The following EBF2 variants were observed in gnomAD, a reference collection of about 807,000 sequenced individuals.
EBF2 encodes the protein transcription factor COE2.
A neutral mutation model predicts 72.8 loss-of-function variants in EBF2; 21 were observed. That is an observed-to-expected ratio of 0.29 (90% CI 0.20 to 0.42). The LOEUF (loss-of-function observed/expected upper bound fraction) is 0.42, where lower values mean the gene tolerates loss of function less well. Among genes scored for constraint, EBF2 ranks in the 10% least tolerant of loss-of-function variants. EBF2 has a pLI of 1.00. For synonymous variants in EBF2, 299 were observed against 274.2 expected (o/e 1.09, Z -0.89); for missense variants, 637 against 731.2 (o/e 0.87, Z 1.49).
intron 6 of EBF2, among the ~76,000 whole-genome samples, chr8:25,946,992 T>A (rs7006936): frequency 6.6e-6 from 1 of 152,004 alleles, no homozygotes; most frequent in East Asian, 1.9e-4. Context: ...TAATACAATT[T>A]GATTCACTTT....
At chr8:25,968,730 G>A (rs1804149877) in intron 6 of EBF2, among the ~76,000 whole-genome samples, 1 of 152,198 alleles carries the variant, frequency 6.6e-6, no homozygotes, top group Non-Finnish European at 1.5e-5. Flanking sequence ...CCTAATTTTT[G>A]TATTTTTAGT....
At chr8:25,915,249 A>T (rs568338544) in intron 6 of EBF2, among the ~76,000 whole-genome samples, 1 of 152,088 alleles carries the variant, frequency 6.6e-6, no homozygotes, top group African/African-American at 2.4e-5. Flanking sequence ...TCTTAGCAAA[A>T]TGCTGGTCTG....
At chr8:26,039,899 G>T in intron 5 of EBF2, 129 bp downstream of exon 5, 1 of 884,922 alleles carries the variant, frequency 1.1e-6, no homozygotes, top group Non-Finnish European at 1.8e-6. Flanking sequence ...CTCTGCGCCC[G>T]TCTGCCCGCG....
intron 7 of EBF2, among the ~76,000 whole-genome samples, chr8:25,893,226 CAAAA>C (rs1802812277): frequency 1.4e-5 from 2 of 145,186 alleles, no homozygotes. Flanking sequence ...CTGGAAAAAA[CAAAA>C]CAGAAAACAA....
chr8:26,032,186 C>T (rs1030757439), intron 6 of EBF2: 1 of 152,146 alleles, frequency 6.6e-6, no homozygotes, highest in African/African-American at 2.4e-5. Flanking sequence ...ATTCCAGCCT[C>T]CTCAGTTCCT....
At chr8:25,966,780 C>T (rs1009732983) in intron 6 of EBF2, among the ~76,000 whole-genome samples, 1 of 152,172 alleles carries the variant, frequency 6.6e-6, no homozygotes, top group Non-Finnish European at 1.5e-5. Context: ...CCTTTCTCTC[C>T]AAATCCAGAT....
At chr8:25,915,742 T>C (rs1279055278) in intron 6 of EBF2, among the ~76,000 whole-genome samples, 1 of 151,894 alleles carries the variant, frequency 6.6e-6, no homozygotes, top group Non-Finnish European at 1.5e-5. Context: ...TTGGAAAACA[T>C]TTTTTGGGAA....
intron 6 of EBF2, among the ~76,000 whole-genome samples, chr8:25,935,226 T>C (rs1168158917): frequency 1.3e-5 from 2 of 151,554 alleles, no homozygotes; most frequent in Admixed American, 6.6e-5. Context: ...TGGTGCCAAA[T>C]ACAGTTAAGG....
At chr8:25,972,810 G>A (rs1804211215) in intron 6 of EBF2, among the ~76,000 whole-genome samples, 1 of 151,856 alleles carries the variant, frequency 6.6e-6, no homozygotes, top group South Asian at 2.1e-4. Context: ...TCAAAGACTA[G>A]GGGAGACGAT....
chr8:25,990,188 T>TACACACACACACACACAC (rs60406400), intron 6 of EBF2, among the ~76,000 whole-genome samples: 1 of 146,268 alleles, frequency 6.8e-6, no homozygotes, highest in African/African-American at 2.5e-5. Flanking sequence ...CTATGGGTTA[T>TACACACACACACACACAC]ACACACACAC....
intron 6 of EBF2, among the ~76,000 whole-genome samples, chr8:25,951,761 C>T: frequency 6.6e-6 from 1 of 152,074 alleles, no homozygotes; most frequent in Non-Finnish European, 1.5e-5. Flanking sequence ...AGGGAAGGCA[C>T]CAAGCATTCC....
chr8:25,944,215 A>G lies in EBF2; in HGVS notation c.552-35660T>C, dbSNP rs528867802. Among the ~76,000 whole-genome samples the G allele has an allele frequency of 3.0e-4, 45 of 152,358 alleles. 1 individual carries two copies. Among genetic ancestry groups the G allele is most frequent in the Non-Finnish European group, 3.5e-4 (24 of 68,034 alleles). ...GAGCTAATGGAAGGAAAAGACATAG[A>G]TGATAGCAAGCTAGAAATGAACTCA... On this transcript the variant is annotated intron_variant, in intron 6 of 15. Transcript: ENST00000520164.
At chr8:26,022,934 T>C (rs965362788) in intron 6 of EBF2, among the ~76,000 whole-genome samples, 2 of 152,220 alleles carry the variant, frequency 1.3e-5, no homozygotes, top group Non-Finnish European at 2.9e-5. Flanking sequence ...GGTCAATGTG[T>C]AGAAGACAGC....
At chr8:25,962,881 T>C (rs1191560849) in intron 6 of EBF2, among the ~76,000 whole-genome samples, 1 of 152,216 alleles carries the variant, frequency 6.6e-6, no homozygotes, top group East Asian at 1.9e-4. Flanking sequence ...CTTTTGTCTC[T>C]TGGCCCAGGG....
intron 5 of EBF2, among the ~76,000 whole-genome samples, chr8:26,034,005 G>C (rs1187123647): frequency 6.6e-6 from 1 of 152,134 alleles, no homozygotes; most frequent in Admixed American, 6.5e-5. Flanking sequence ...GTCACTTCCA[G>C]ATTGATATTC....
At chr8:25,887,191 T>C (rs1423862407) in intron 9 of EBF2, among the ~76,000 whole-genome samples, 2 of 151,976 alleles carry the variant, frequency 1.3e-5, no homozygotes, top group African/African-American at 2.4e-5. Flanking sequence ...ACTCAACCAA[T>C]GTAGGTCCTT....
At position 25,861,387 on chromosome 8, in the gene EBF2, C is replaced by G; in HGVS notation, c.1099-13G>C. 6.2e-7 allele frequency: 1 copy of G among 1,613,926 alleles called. No homozygotes were observed. Among genetic ancestry groups the G allele is most frequent in the Non-Finnish European group, 8.5e-7 (1 of 1,179,978 alleles). ...TCAACAGCATCTCCTGGAAAATAAG[C>G]GAGGATGGGATATTGTCAAAGGCAA... is the stretch of plus-strand genomic sequence containing the variant. On this transcript the variant is annotated splice_polypyrimidine_tract_variant and intron_variant, in intron 11 of 15. Coordinates refer to ENST00000520164, the MANE Select transcript of EBF2 (RefSeq NM_022659.4).
intron 10 of EBF2, among the ~76,000 whole-genome samples, chr8:25,876,663 C>T (rs898316634): frequency 6.6e-6 from 1 of 152,106 alleles, no homozygotes; most frequent in Non-Finnish European, 1.5e-5. Flanking sequence ...AACAGATGGC[C>T]TTGGTATCGT....
chr8:25,966,401 C>T (rs1178532813), intron 6 of EBF2, among the ~76,000 whole-genome samples: 3 of 152,214 alleles, frequency 2.0e-5, no homozygotes, highest in African/African-American at 7.2e-5. Flanking sequence ...TTCCTAGAAG[C>T]TCCTGGGACT....
Sources: allele counts gnomAD v4.1 joint callset (sites outside exome capture counted in the v4.1 genomes callset), GRCh38; gene constraint gnomAD v4.1.1; transcripts MANE v1.5; gene names NCBI Gene and HGNC (gene_info 2026-07-23, HGNC 2026-07-21).